Variants in STS observed in about 807,000 individuals in gnomAD.
STS encodes the protein steroid sulfatase, also known as steryl-sulfatase.
A neutral mutation model predicts 26.8 loss-of-function variants in STS; 7 were observed. The ratio of observed to expected loss-of-function variants is 0.26; its 90% CI spans 0.15 to 0.49. The LOEUF is 0.49. STS is among the 20% of genes least tolerant of loss of function. The pLI, the probability that STS is intolerant of heterozygous loss-of-function variation, is 0.98. For missense variants in STS, 434 were observed against 465.6 expected, an observed-to-expected ratio of 0.93 and a Z score of 0.63; for synonymous variants, 199 against 189.4, an observed-to-expected ratio of 1.05 and a Z score of -0.42.
At chrX:7,299,861 G>A (rs1049266128) in intron 7 of STS, among the ~76,000 whole-genome samples, 3 of 111,393 alleles carry the variant, frequency 2.7e-5, no homozygotes, top group Non-Finnish European at 5.7e-5. Flanking sequence ...AAACCAACTC[G>A]CTTAAGTCAG....
At chrX:7,216,322 A>G (rs772508672) in intron 2 of STS, among the ~76,000 whole-genome samples, 6 of 111,694 alleles carry the variant, frequency 5.4e-5, no homozygotes, top group Non-Finnish European at 9.4e-5. Context: ...AGGAAATTTT[A>G]TTTTATATAA....
chrX:7,252,030 A>G (rs1395655253), intron 2 of STS, among the ~76,000 whole-genome samples: 1 of 111,359 alleles, frequency 9.0e-6, no homozygotes, highest in African/African-American at 3.3e-5. Context: ...TTCACTTTAC[A>G]GTTAAGAAAA....
chrX:7,316,521 T>G (rs1410993527), intron 8 of STS, among the ~76,000 whole-genome samples: 1 of 112,171 alleles, frequency 8.9e-6, no homozygotes, highest in African/African-American at 3.2e-5. Flanking sequence ...ACCTGGCTCT[T>G]TAGAGAAAAA....
intron 8 of STS, among the ~76,000 whole-genome samples, chrX:7,314,815 G>A: frequency 8.9e-6 from 1 of 112,119 alleles, no homozygotes; most frequent in Non-Finnish European, 1.9e-5. Context: ...TTCCGGGACA[G>A]CAAAGAGGTG....
At chrX:7,211,796 C>T (rs1921041514) in intron 2 of STS, among the ~76,000 whole-genome samples, 1 of 111,790 alleles carries the variant, frequency 8.9e-6, no homozygotes, top group Admixed American at 9.5e-5. Flanking sequence ...GTTCTTATGC[C>T]CCAGAGGCAC....
intron 2 of STS, among the ~76,000 whole-genome samples, chrX:7,213,486 G>A (rs373980097): frequency 9.0e-6 from 1 of 111,605 alleles, no homozygotes; most frequent in Non-Finnish European, 1.9e-5. Context: ...AGGGCAGGAA[G>A]GTGGCAAAGG....
chrX:7,238,911 G>A (rs1392124031), intron 2 of STS, among the ~76,000 whole-genome samples: 4 of 111,126 alleles, frequency 3.6e-5, no homozygotes, highest in Admixed American at 2.9e-4. Context: ...CACTTAGTGT[G>A]TCTTCACTAA....
chrX:7,186,580 T>C (rs747998504), intron 1 of STS, among the ~76,000 whole-genome samples: 12 of 111,564 alleles, frequency 1.1e-4, no homozygotes, highest in Non-Finnish European at 1.9e-4. Context: ...TCTGTATTGA[T>C]TGGGCGAACA....
intron 2 of STS, among the ~76,000 whole-genome samples, chrX:7,208,047 T>C (rs184816260): frequency 8.3e-4 from 93 of 112,345 alleles, no homozygotes; most frequent in African/African-American, 2.8e-3. Flanking sequence ...GAGACTGAAA[T>C]GCTCATTTAT....
At chrX:7,236,437 T>A (rs1313922332) in intron 2 of STS, among the ~76,000 whole-genome samples, 1 of 112,465 alleles carries the variant, frequency 8.9e-6, no homozygotes, top group Non-Finnish European at 1.9e-5. Flanking sequence ...GCTATTTTCA[T>A]TAAACCAATA....
At chrX:7,270,785 G>A (rs1240885816) in intron 6 of STS, among the ~76,000 whole-genome samples, 10 of 111,998 alleles carry the variant, frequency 8.9e-5, no homozygotes, top group Non-Finnish European at 1.9e-4. Flanking sequence ...CAAAGGTCAT[G>A]TTCCGTAGCC....
At chrX:7,348,116 T>G (rs775449023) in intron 10 of STS, among the ~76,000 whole-genome samples, 2 of 111,500 alleles carry the variant, frequency 1.8e-5, no homozygotes, top group South Asian at 7.6e-4. Context: ...AGTCGTCTCA[T>G]TATGAATCTT....
intron 8 of STS, among the ~76,000 whole-genome samples, chrX:7,311,560 A>G (rs746387306): frequency 6.2e-4 from 70 of 112,014 alleles, no homozygotes; most frequent in Middle Eastern, 4.6e-3. Context: ...CAAACACTCT[A>G]ATATCAACCA....
chrX:7,282,565 G>A (rs1344315160), intron 7 of STS, among the ~76,000 whole-genome samples: 1 of 112,214 alleles, frequency 8.9e-6, no homozygotes, highest in African/African-American at 3.2e-5. Context: ...AGATCTGGAC[G>A]AGGGAAGTCC....
intron 1 of STS, among the ~76,000 whole-genome samples, chrX:7,176,422 G>A (rs1933571501): frequency 8.9e-6 from 1 of 111,830 alleles, no homozygotes; most frequent in Non-Finnish European, 1.9e-5. Context: ...ACATGGATGT[G>A]AAAGATCTGG....
chrX:7,324,302 A>C (rs1232035537), intron 8 of STS, among the ~76,000 whole-genome samples: 4 of 110,573 alleles, frequency 3.6e-5, no homozygotes. Flanking sequence ...GGGGTTGTGG[A>C]GGCCAAGGTT....
intron 1 of STS, among the ~76,000 whole-genome samples, chrX:7,159,924 G>A (rs141373959): frequency 2.3e-4 from 26 of 112,072 alleles, no homozygotes; most frequent in African/African-American, 8.4e-4. Flanking sequence ...ATTCACACAC[G>A]ATGAGCGTTC....
chrX:7,187,166 A>AC (rs1933788251), intron 1 of STS, among the ~76,000 whole-genome samples: 1 of 112,373 alleles, frequency 8.9e-6, no homozygotes, highest in African/African-American at 3.2e-5. Context: ...CTAAGTTGCT[A>AC]CCACAGCACC....
intron 1 of STS, among the ~76,000 whole-genome samples, chrX:7,153,430 T>C (rs1182050978): frequency 3.3e-5 from 3 of 90,819 alleles, no homozygotes; most frequent in African/African-American, 8.4e-5. Flanking sequence ...TCCTCCTCCT[T>C]GACTCCTTCC....
Sources: allele counts gnomAD v4.1 joint callset (sites outside exome capture counted in the v4.1 genomes callset), GRCh38; gene constraint gnomAD v4.1.1; transcripts MANE v1.5; gene names NCBI Gene and HGNC (gene_info 2026-07-23, HGNC 2026-07-21).